ADGRL2: variants seen among roughly 807,000 people sequenced by gnomAD.
The protein encoded by ADGRL2 is adhesion G protein-coupled receptor L2, also known as calcium-independent alpha-latrotoxin receptor 2.
In ADGRL2, 44 loss-of-function variants were observed where a neutral mutation model predicts 157.4. That is an observed-to-expected ratio of 0.28 (90% CI 0.22 to 0.36). The LOEUF (loss-of-function observed/expected upper bound fraction) is 0.36. ADGRL2 is among the 10% of genes least tolerant of loss of function. The pLI is 1.00. For synonymous variants in ADGRL2, 585 were observed against 624.7 expected (o/e 0.94, Z 0.95); for missense variants, 1,510 against 1,768.9 (o/e 0.85, Z 2.63).
intron 2 of ADGRL2, among the ~76,000 whole-genome samples, chr1:81,902,738 T>C (rs1164948094): frequency 6.6e-6 from 1 of 152,224 alleles, no homozygotes; most frequent in Non-Finnish European, 1.5e-5. Context: ...ATTCCCATCA[T>C]GGCCACAACT....
At chr1:81,536,645 G>C in intron 2 of ADGRL2, among the ~76,000 whole-genome samples, 1 of 152,016 alleles carries the variant, frequency 6.6e-6, no homozygotes, top group East Asian at 1.9e-4. Flanking sequence ...CTTTGTCGTC[G>C]TTGTTTTCCT....
rs1008183775 is a variant in ADGRL2 at position 81,418,632 on chromosome 1, C to T, written c.-301-26404C>T. On this transcript the variant is annotated intron_variant, in intron 1 of 24. Transcript: ENST00000370721. ...ACCCAGGCGTGGTGGCAGGCGCCTG[C>T]AGTCCCAGCTACTCGGGAGGCTGAG... 1.5e-4 allele frequency among the ~76,000 whole-genome samples: 23 copies of T among 152,096 alleles called. 1 individual carries two copies. The East Asian group carries it at 4.5e-3, about 30-fold the overall frequency.
chr1:81,978,385 T>C (rs1660765892), intron 17 of ADGRL2, among the ~76,000 whole-genome samples: 1 of 151,824 alleles, frequency 6.6e-6, no homozygotes, highest in African/African-American at 2.4e-5. Flanking sequence ...TCTACAATTG[T>C]ATTTACTTTT....
intron 11 of ADGRL2, among the ~76,000 whole-genome samples, chr1:81,961,158 G>A (rs571115281): frequency 1.1e-4 from 16 of 152,256 alleles, no homozygotes; most frequent in Non-Finnish European, 2.2e-4. Context: ...GCTCTCCAGT[G>A]AACCAAGTGT....
chr1:81,706,035 C>T (rs2083724069), intron 1 of ADGRL2, among the ~76,000 whole-genome samples: 1 of 151,970 alleles, frequency 6.6e-6, no homozygotes, highest in Non-Finnish European at 1.5e-5. Context: ...ATAGTCTCTA[C>T]TAAAAATACA....
At position 81,830,696 on chromosome 1, in the gene ADGRL2, G is replaced by A. The variant is rs1163960844; in HGVS notation, c.-100-6189G>A. On this transcript the variant is annotated intron_variant, in intron 1 of 23. Coordinates refer to ENST00000686636, the MANE Select transcript of ADGRL2 (RefSeq NM_001366006.2). ...CAAATTTTTGTATTTTAGTAGAGAC[G>A]GGGTTTCGCCACATTGGCCAGGCTG... is the stretch of plus-strand genomic sequence containing the variant. Among the ~76,000 whole-genome samples, 4 of 151,980 alleles carry A rather than the reference G, an allele frequency of 2.6e-5. No homozygotes were observed. The South Asian group carries it at 6.2e-4, about 24-fold the overall frequency.
chr1:81,918,859 T>G (rs1173092047), intron 3 of ADGRL2, among the ~76,000 whole-genome samples: 1 of 152,224 alleles, frequency 6.6e-6, no homozygotes, highest in Non-Finnish European at 1.5e-5. Context: ...GTGGTTCTTG[T>G]TGGCTTTTAC....
chr1:81,339,110 A>G (rs1661868726), intron 1 of ADGRL2, among the ~76,000 whole-genome samples: 1 of 152,162 alleles, frequency 6.6e-6, no homozygotes, highest in Admixed American at 6.5e-5. Context: ...GTGAATATGT[A>G]TCTGTATAAC....
rs111640266 is a variant in ADGRL2, at chr1:81,323,737, T to C, written c.-302+17228T>C. On this transcript the variant is annotated intron_variant, in intron 1 of 24. Transcript: ENST00000370721. ...GAGCATATAGTCAAGGAAGGCTTCT[T>C]TGAAGAAGTGATATTTAAATCAAAT... is the stretch of plus-strand genomic sequence containing the variant. 2.5e-3 allele frequency among the ~76,000 whole-genome samples: 378 copies of C among 152,264 alleles called. 2 individuals are homozygous for C. Among genetic ancestry groups the C allele is most frequent in the African/African-American group, 8.6e-3 (358 of 41,564 alleles).
intron 3 of ADGRL2, among the ~76,000 whole-genome samples, chr1:81,691,892 ATATG>A (rs1424916452): frequency 4.7e-5 from 7 of 148,006 alleles, no homozygotes; most frequent in Admixed American, 2.1e-4. Context: ...ATATATATAT[ATATG>A]TATGTGTATA....
At chr1:81,547,704 G>C (rs2080051371) in intron 2 of ADGRL2, among the ~76,000 whole-genome samples, 1 of 152,196 alleles carries the variant, frequency 6.6e-6, no homozygotes, top group Non-Finnish European at 1.5e-5. Flanking sequence ...AAAGGAGCCA[G>C]CTTTTGAGAT....
chr1:81,616,669 C>CTTTTCTTTTA (rs1553130798), intron 3 of ADGRL2, among the ~76,000 whole-genome samples: 12 of 103,780 alleles, frequency 1.2e-4, no homozygotes, highest in Admixed American at 4.2e-4. Context: ...CTTTTCTTTT[C>CTTTTCTTTTA]TTTTCTTTTC....
chr1:81,350,246 T>C (rs1662785518), intron 1 of ADGRL2, among the ~76,000 whole-genome samples: 1 of 152,166 alleles, frequency 6.6e-6, no homozygotes, highest in Non-Finnish European at 1.5e-5. Context: ...AACTCTATCA[T>C]AGGATGCATT....
At chr1:81,697,076 G>A (rs1022855379), upstream of ADGRL2, among the ~76,000 whole-genome samples, 1 of 152,154 alleles carries the variant, frequency 6.6e-6, no homozygotes, top group Non-Finnish European at 1.5e-5. Context: ...AGATAAGTTA[G>A]AGATACTTTA....
chr1:81,569,258 T>C (rs2080631617), intron 2 of ADGRL2, among the ~76,000 whole-genome samples: 1 of 152,124 alleles, frequency 6.6e-6, no homozygotes, highest in African/African-American at 2.4e-5. Flanking sequence ...GAGAATTTTT[T>C]CCCCATTTTT....
chr1:81,691,322 GT>G (rs202188457), intron 3 of ADGRL2, among the ~76,000 whole-genome samples: 1 of 126,754 alleles, frequency 7.9e-6, no homozygotes. Context: ...AGTTCTGCTT[GT>G]TTTCTTTTTT....
At chr1:81,891,674 A>G (rs1047062682) in intron 2 of ADGRL2, among the ~76,000 whole-genome samples, 9 of 152,004 alleles carry the variant, frequency 5.9e-5, no homozygotes, top group Non-Finnish European at 1.2e-4. Flanking sequence ...TTTTATGTAG[A>G]GTATTTAACC....
intron 1 of ADGRL2, among the ~76,000 whole-genome samples, chr1:81,441,470 T>C (rs2077505966): frequency 6.6e-6 from 1 of 152,190 alleles, no homozygotes; most frequent in Non-Finnish European, 1.5e-5. Context: ...CTTACTTCTA[T>C]GAAACCTCTA....
At chr1:81,771,184 G>C (rs1019420063) in intron 2 of ADGRL2, among the ~76,000 whole-genome samples, 1 of 152,118 alleles carries the variant, frequency 6.6e-6, no homozygotes, top group Non-Finnish European at 1.5e-5. Context: ...GTTTTTTGTA[G>C]ATCTCCTTTA....
Sources: allele counts gnomAD v4.1 joint callset (sites outside exome capture counted in the v4.1 genomes callset), GRCh38; gene constraint gnomAD v4.1.1; transcripts MANE v1.5; gene names NCBI Gene and HGNC (gene_info 2026-07-23, HGNC 2026-07-21).